CIT: variants seen among roughly 807,000 people sequenced by gnomAD.
The protein encoded by CIT is citron rho-interacting serine/threonine kinase.
Under a neutral mutation model 272.7 loss-of-function variants are expected in CIT, and 79 were observed. That is an observed-to-expected ratio of 0.29 (90% CI 0.24 to 0.35). The LOEUF is 0.35. Among genes scored for constraint, CIT ranks in the 10% least tolerant of loss-of-function variants. CIT has a pLI of 1.00. For missense variants in CIT, 1,909 were observed against 2,618.3 expected (o/e 0.73, Z 5.91); for synonymous variants, 948 against 995.6 (o/e 0.95, Z 0.90).
At chr12:119,744,714 CA>C (rs33990797) in intron 23 of CIT, among the ~76,000 whole-genome samples, 6,472 of 103,362 alleles carry the variant, frequency 0.063, 175 homozygotes, top group African/African-American at 0.14. Flanking sequence ...GACTCCGCCT[CA>C]AAAAAAAAAA....
chr12:119,727,163 A>G (rs1041624849), intron 28 of CIT, among the ~76,000 whole-genome samples: 1 of 152,214 alleles, frequency 6.6e-6, no homozygotes, highest in Admixed American at 6.5e-5. Flanking sequence ...TATGTGCTTG[A>G]CACTCCATTA....
chr12:119,849,385 C>T (rs1470092180), intron 5 of CIT, among the ~76,000 whole-genome samples: 1 of 151,938 alleles, frequency 6.6e-6, no homozygotes. Flanking sequence ...CGAGATAGTG[C>T]CACCGCACTC....
At chr12:119,733,048 A>G (rs1231168862) in intron 26 of CIT, among the ~76,000 whole-genome samples, 1 of 152,172 alleles carries the variant, frequency 6.6e-6, no homozygotes, top group East Asian at 1.9e-4. Context: ...CTGTCATAAC[A>G]ACTCTTCCAG....
At chr12:119,795,948 A>C (rs1965698238) in intron 10 of CIT, among the ~76,000 whole-genome samples, 1 of 152,258 alleles carries the variant, frequency 6.6e-6, no homozygotes, top group South Asian at 2.1e-4. Context: ...AATTGGTATA[A>C]TCCCTGGCCA....
At chr12:119,828,571 A>ATTT (rs767267101) in intron 7 of CIT, among the ~76,000 whole-genome samples, 8 of 145,086 alleles carry the variant, frequency 5.5e-5, no homozygotes, top group African/African-American at 1.5e-4. Flanking sequence ...AACTTAGTTA[A>ATTT]TTTTTTTTTT....
intron 9 of CIT, 109 bp from the exon 10 acceptor site, chr12:119,803,498 T>C (rs1203578710): frequency 6.9e-6 from 5 of 724,092 alleles, no homozygotes; most frequent in Non-Finnish European, 1.1e-5. Context: ...GCGATGGCAC[T>C]GCAGCGCCTG....
chr12:119,755,057 T>C (rs1413863893), intron 22 of CIT, among the ~76,000 whole-genome samples: 1 of 152,200 alleles, frequency 6.6e-6, no homozygotes, highest in Non-Finnish European at 1.5e-5. Flanking sequence ...TGATAAAAGT[T>C]AAACCATCGC....
At chr12:119,792,867 CAGG>C (rs1965427630) in intron 10 of CIT, among the ~76,000 whole-genome samples, 1 of 151,978 alleles carries the variant, frequency 6.6e-6, no homozygotes, top group Non-Finnish European at 1.5e-5. Flanking sequence ...GAGGCTGAGG[CAGG>C]AGAATTGCTT....
At chr12:119,861,183 C>T (rs543476111) in intron 3 of CIT, among the ~76,000 whole-genome samples, 3 of 152,000 alleles carry the variant, frequency 2.0e-5, no homozygotes, top group South Asian at 2.1e-4. Flanking sequence ...ACCCCAAAAC[C>T]GTCACATCAC....
chr12:119,857,442 C>T (rs1371371101), intron 4 of CIT, 81 bp downstream of exon 4: 34 of 1,416,864 alleles, frequency 2.4e-5, no homozygotes, highest in South Asian at 6.4e-5. Flanking sequence ...TGATCCTAGA[C>T]GCCAGTGCAG....
chr12:119,751,984 T>C, intron 23 of CIT, 66 bp downstream of exon 23: 1 of 1,388,620 alleles, frequency 7.2e-7, no homozygotes, highest in Non-Finnish European at 9.9e-7. Flanking sequence ...GTATACTCAG[T>C]GCCAGTTCCA....
chr12:119,719,520 A>G (rs1398835615), intron 30 of CIT, among the ~76,000 whole-genome samples: 1 of 152,276 alleles, frequency 6.6e-6, no homozygotes, highest in Non-Finnish European at 1.5e-5. Flanking sequence ...TATCATAAGC[A>G]TAACAACCAT....
chr12:119,689,488 G>A (rs1260067345), intron 47 of CIT, among the ~76,000 whole-genome samples: 1 of 152,060 alleles, frequency 6.6e-6, no homozygotes, highest in African/African-American at 2.4e-5. Context: ...TATCATTTGG[G>A]TTTCAAAAGG....
rs761108605 is a variant in CIT at position 119,697,886 on chromosome 12, T to C, written c.5703-48A>G. 5.0e-6 allele frequency: 8 copies of C among 1,613,088 alleles called. No individual in the cohort carries two copies. The African/African-American group carries it at 1.1e-4, about 22-fold the overall frequency. On this transcript the variant is annotated intron_variant, in intron 45 of 47. Coordinates refer to ENST00000392521, the MANE Select transcript of CIT (RefSeq NM_001206999.2). This position sits in a 1 kb window ranked among gnomAD's most constrained non-coding sequence, Gnocchi z 4.9. ...TTACCTTCATTGCAGGCTACCTCCA[T>C]TGCTAGGCAAGTTAGGAAGGAACAT...
In CIT at chr12:119,815,919, T is replaced by A. The variant is rs555597663; in HGVS notation, c.1111+6901A>T. On this transcript the variant is annotated intron_variant, in intron 9 of 47. Transcript: ENST00000392521. ...TCTGTATAATGTGAATTTTCTGCTA[T>A]GGGCTATACCACTTTTTCAAAAAAA... 8.3e-4 allele frequency among the ~76,000 whole-genome samples: 126 copies of A among 152,302 alleles called. 1 individual carries two copies. The Middle Eastern group carries it at 0.01, about 12-fold the overall frequency.
chr12:119,806,336 T>C (rs1054059474), intron 9 of CIT, among the ~76,000 whole-genome samples: 1 of 152,038 alleles, frequency 6.6e-6, no homozygotes, highest in Non-Finnish European at 1.5e-5. Flanking sequence ...GCCACAGCCT[T>C]AAGCCAAAAA....
At chr12:119,874,663 CT>C in intron 2 of CIT, among the ~76,000 whole-genome samples, 1 of 152,198 alleles carries the variant, frequency 6.6e-6, no homozygotes, top group East Asian at 1.9e-4. Flanking sequence ...TTCATCAAAA[CT>C]TTTTTTAAAA....
Position 119,784,670 on chromosome 12 carries a change from C to T in CIT, c.1401+290G>A, listed in dbSNP as rs186884823. 2.3e-4 allele frequency: 293 copies of T among 1,285,172 alleles called. 1 individual carries two copies. The highest frequency in any genetic ancestry group is 1.6e-3 in the South Asian group (81 of 51,466). 79.6% of individuals were successfully genotyped at this position (1,285,172 alleles called of 1,614,324 possible). On this transcript the variant is annotated intron_variant, in intron 11 of 47. Coordinates refer to ENST00000392521, the MANE Select transcript of CIT (RefSeq NM_001206999.2). The surrounding 1 kb of genome is among the most constrained non-coding windows in gnomAD (Gnocchi z 4.7). ...GATGTATCTCAGCCACAGGTGAGGA[C>T]CCAGGCCACCTGCCGGAAGAAGCAG...
In CIT at chr12:119,736,814, G is replaced by A. The variant is rs117353283; in HGVS notation, c.2959-1457C>T. 2.6e-4 allele frequency among the ~76,000 whole-genome samples: 39 copies of A among 152,242 alleles called. 1 individual carries two copies. In the East Asian group the frequency reaches 6.8e-3, roughly 26 times the overall value. Reference sequence around the variant, plus strand: ...AGTTCAACTGGTCTCCTTCCTGTACGTAGTAAACCCATTCCTTAAGATGTT... The same window carrying A: ...AGTTCAACTGGTCTCCTTCCTGTACATAGTAAACCCATTCCTTAAGATGTT... On this transcript the variant is annotated intron_variant, in intron 24 of 47. Coordinates refer to ENST00000392521, the MANE Select transcript of CIT (RefSeq NM_001206999.2).
Sources: allele counts gnomAD v4.1 joint callset (sites outside exome capture counted in the v4.1 genomes callset), GRCh38; gene constraint gnomAD v4.1.1; non-coding constraint Gnocchi (gnomAD v3.1); transcripts MANE v1.5; gene names NCBI Gene and HGNC (gene_info 2026-07-23, HGNC 2026-07-21).